FAM184B: variants seen among roughly 807,000 people sequenced by gnomAD.
FAM184B encodes the protein family with sequence similarity 184 member B, also known as protein FAM184B.
A neutral mutation model predicts 135.9 loss-of-function variants in FAM184B; 111 were observed. The ratio of observed to expected loss-of-function variants is 0.82; its 90% CI spans 0.70 to 0.96. FAM184B has a LOEUF of 0.96. Among genes scored for constraint, FAM184B ranks in the 40% least tolerant of loss-of-function variants. FAM184B has a pLI of 0.00. For missense variants in FAM184B, 1,375 were observed against 1,323.9 expected (o/e 1.04, Z -0.60); for synonymous variants, 552 against 524.8 (o/e 1.05, Z -0.71).
At chr4:17,665,792 A>G (rs982654515) in intron 7 of FAM184B, among the ~76,000 whole-genome samples, 4 of 152,182 alleles carry the variant, frequency 2.6e-5, no homozygotes, top group African/African-American at 9.7e-5. Context: ...GCCAAATCCA[A>G]TGGTCGATTC....
intron 1 of FAM184B, among the ~76,000 whole-genome samples, chr4:17,737,034 A>C (rs1294241481): frequency 2.0e-5 from 3 of 152,012 alleles, no homozygotes; most frequent in Non-Finnish European, 4.4e-5. Flanking sequence ...AATCCCAGCT[A>C]CTCGGGAAGC....
At chr4:17,680,095 G>A (rs1015067851) in intron 7 of FAM184B, among the ~76,000 whole-genome samples, 4 of 152,132 alleles carry the variant, frequency 2.6e-5, no homozygotes, top group Admixed American at 1.3e-4. Context: ...CAGGTGATGG[G>A]TGCACCAACA....
intron 13 of FAM184B, among the ~76,000 whole-genome samples, chr4:17,639,921 C>T (rs1394108239): frequency 6.6e-6 from 1 of 151,668 alleles, no homozygotes; most frequent in African/African-American, 2.4e-5. Context: ...CTTCACCTCC[C>T]GGGTTCAAGC....
intron 7 of FAM184B, among the ~76,000 whole-genome samples, chr4:17,665,837 T>A (rs1180320377): frequency 6.6e-6 from 1 of 152,208 alleles, no homozygotes; most frequent in Non-Finnish European, 1.5e-5. Flanking sequence ...CCAGCAGAAC[T>A]GGAAATATTG....
At chr4:17,769,646 C>T (rs1389419340) in intron 1 of FAM184B, among the ~76,000 whole-genome samples, 3 of 152,102 alleles carry the variant, frequency 2.0e-5, no homozygotes, top group Non-Finnish European at 4.4e-5. Flanking sequence ...AGATGCTAGA[C>T]CTTTTGAGTT....
chr4:17,734,959 A>C (rs1172498813), intron 1 of FAM184B, among the ~76,000 whole-genome samples: 1 of 152,260 alleles, frequency 6.6e-6, no homozygotes, highest in African/African-American at 2.4e-5. Context: ...AGACTGGATT[A>C]AGAAAATATG....
At chr4:17,727,479 A>C (rs1289180472) in intron 1 of FAM184B, among the ~76,000 whole-genome samples, 1 of 152,226 alleles carries the variant, frequency 6.6e-6, no homozygotes, top group Non-Finnish European at 1.5e-5. Context: ...TGGGTAATTT[A>C]TAAACAAAAG....
intron 5 of FAM184B, among the ~76,000 whole-genome samples, chr4:17,701,156 A>G (rs552318849): frequency 2.0e-5 from 3 of 152,312 alleles, no homozygotes; most frequent in Non-Finnish European, 4.4e-5. Context: ...TTGTTCCCTG[A>G]AGACATGGCT....
chr4:17,707,477 T>C (rs1717144900), intron 3 of FAM184B, among the ~76,000 whole-genome samples, 172 bp downstream of exon 3: 1 of 152,164 alleles, frequency 6.6e-6, no homozygotes, highest in African/African-American at 2.4e-5. Flanking sequence ...GCAGCTGTAG[T>C]TGTCAGCTCA....
intron 10 of FAM184B, among the ~76,000 whole-genome samples, chr4:17,654,082 T>G (rs1379747119): frequency 6.6e-6 from 1 of 152,096 alleles, no homozygotes; most frequent in Non-Finnish European, 1.5e-5. Flanking sequence ...AATTCCTTGA[T>G]TTTTGGATTT....
At position 17,633,698 on chromosome 4, in the gene FAM184B, G is replaced by T; in HGVS notation, c.3080C>A (p.Thr1027Asn). 6.5e-7 allele frequency: 1 copy of T among 1,533,830 alleles called. No individual in the cohort carries two copies. The highest frequency in any genetic ancestry group is 8.8e-7 in the Non-Finnish European group (1 of 1,137,970). ...CCAACATCCCCCAAACCTTGTGGCA[G>T]TTTTTGCATCTGTAGACTGGTTGGG... is the stretch of plus-strand genomic sequence containing the variant. Reference protein sequence around the residue: ...YKPNQSTDAKTATRTPDGETA... With the variant: ...YKPNQSTDAKNATRTPDGETA... Residue 1027 changes from threonine to asparagine, a missense_variant, in exon 17 of 18, where the codon ACT (threonine) becomes AAT (asparagine). Physicochemically the swap from Thr to Asn is moderately conservative, Grantham distance 65. Coordinates refer to ENST00000265018, the MANE Select transcript of FAM184B (RefSeq NM_015688.2).
intron 8 of FAM184B, 37 bp from the exon 9 acceptor site, chr4:17,660,124 T>A: frequency 6.5e-7 from 1 of 1,549,028 alleles, no homozygotes; most frequent in Non-Finnish European, 8.7e-7. Context: ...CAAAAGATCC[T>A]AGGGCTAGGA....
intron 1 of FAM184B, among the ~76,000 whole-genome samples, chr4:17,715,899 G>A (rs1717393054): frequency 6.6e-6 from 1 of 152,080 alleles, no homozygotes; most frequent in Non-Finnish European, 1.5e-5. Flanking sequence ...GGAGATTATC[G>A]ACATGTTTCT....
At chr4:17,674,129 A>C (rs746275220) in intron 7 of FAM184B, among the ~76,000 whole-genome samples, 1 of 151,710 alleles carries the variant, frequency 6.6e-6, no homozygotes, top group South Asian at 2.1e-4. Flanking sequence ...GCAAATATAG[A>C]ACTAAATTAC....
chr4:17,633,295 T>C (rs1223731193), intron 17 of FAM184B: 1 of 160,264 alleles, frequency 6.2e-6, no homozygotes, highest in Non-Finnish European at 1.4e-5. Flanking sequence ...ATACTGAAAC[T>C]ATATTGAAGA....
intron 1 of FAM184B, among the ~76,000 whole-genome samples, chr4:17,727,019 C>G (rs1717658257): frequency 6.6e-6 from 1 of 152,136 alleles, no homozygotes; most frequent in Admixed American, 6.6e-5. Flanking sequence ...GTCAGGGTAC[C>G]TGCTCAGTAT....
rs550571043 is a variant in FAM184B, at chr4:17,666,516, G to A, written c.1597-1857C>T. Reference sequence around the variant, plus strand: ...TTTTGGTATTTTTAGTAGAGACGGGGTTTCACCATGTTGCCCAAGCTGGTC... The same window carrying A: ...TTTTGGTATTTTTAGTAGAGACGGGATTTCACCATGTTGCCCAAGCTGGTC... On this transcript the variant is annotated intron_variant, in intron 7 of 17. Coordinates refer to ENST00000265018, the MANE Select transcript of FAM184B (RefSeq NM_015688.2). Among the ~76,000 whole-genome samples the A allele has an allele frequency of 9.8e-5, 13 of 132,832 alleles. No individual in the cohort carries two copies. In the East Asian group the frequency reaches 2.1e-3, roughly 22 times the overall value. The allele number at this position is 132,832 out of a possible 152,430, so 87.1% of individuals were successfully genotyped here. A position where few individuals can be genotyped will look rare whatever the true frequency, so the allele number is the denominator to read the frequency against.
At chr4:17,682,684 A>G (rs1716477620) in intron 7 of FAM184B, among the ~76,000 whole-genome samples, 1 of 151,994 alleles carries the variant, frequency 6.6e-6, no homozygotes, top group East Asian at 1.9e-4. Context: ...TTTTCAGTAG[A>G]GACGAGGTTT....
At chr4:17,764,372 A>G (rs913272688) in intron 1 of FAM184B, among the ~76,000 whole-genome samples, 4 of 152,170 alleles carry the variant, frequency 2.6e-5, no homozygotes, top group Admixed American at 2.6e-4. Flanking sequence ...TTGCACCTCT[A>G]ATCTGGAAGG....
Sources: allele counts gnomAD v4.1 joint callset (sites outside exome capture counted in the v4.1 genomes callset), GRCh38; gene constraint gnomAD v4.1.1; transcripts MANE v1.5; gene names NCBI Gene and HGNC (gene_info 2026-07-23, HGNC 2026-07-21).